Variants in MMS19 observed in about 807,000 individuals in gnomAD.
The protein encoded by MMS19 is MMS19 nucleotide excision repair protein homolog.
A neutral mutation model predicts 129.8 loss-of-function variants in MMS19; 77 were observed. The observed-to-expected ratio is 0.59, with a 90% CI of 0.49 to 0.72. The LOEUF is 0.72. MMS19 is among the 30% of genes least tolerant of loss of function. MMS19 has a pLI of 0.00. For synonymous variants in MMS19, 491 were observed against 502.8 expected, an observed-to-expected ratio of 0.98 and a Z score of 0.31; for missense variants, 1,168 against 1,266.3, an observed-to-expected ratio of 0.92 and a Z score of 1.18.
At chr10:97,480,587 GTCTT>G (rs1213948281) in intron 3 of MMS19, among the ~76,000 whole-genome samples, 2 of 152,096 alleles carry the variant, frequency 1.3e-5, no homozygotes, top group African/African-American at 2.4e-5. Flanking sequence ...AAATCCATGT[GTCTT>G]TCTTTTTTGA....
At chr10:97,461,063 T>G in intron 23 of MMS19, 56 bp from the exon 24 acceptor site, 1 of 1,392,426 alleles carries the variant, frequency 7.2e-7, no homozygotes. Context: ...CCTTTAGCAA[T>G]GAAATGCAAA....
Position 97,460,616 on chromosome 10 carries a change from TG to T in MMS19, c.2469+78del, listed in dbSNP as rs895863699. On this transcript the variant is annotated intron_variant, in intron 25 of 30. Coordinates refer to ENST00000438925, the MANE Select transcript of MMS19 (RefSeq NM_022362.5). ...AAAACAAAAAACACACAGGGGAGGA[TG>T]GAAGTCCTTGGGAGGAATAGGAGCA... 6.8e-6 allele frequency: 8 copies of T among 1,169,286 alleles called. No homozygotes were observed. In the African/African-American group the frequency reaches 1.2e-4, roughly 18 times the overall value. The allele number at this position is 1,169,286 out of a possible 1,614,324, so 72.4% of individuals were successfully genotyped here. A position where few individuals can be genotyped will look rare whatever the true frequency, so the allele number is the denominator to read the frequency against.
Position 97,478,188 on chromosome 10 carries a change from C to T in MMS19, c.348+116G>A, listed in dbSNP as rs369353699. ...GTAGAGCTGGTAACACTAATTTAGT[C>T]CCACACTTGGGCACCTGCTCCTCAG... is the stretch of plus-strand genomic sequence containing the variant. On this transcript the variant is annotated intron_variant, in intron 4 of 30. Transcript: ENST00000438925. The T allele has an allele frequency of 3.7e-6, 3 of 811,104 alleles. No individual in the cohort carries two copies. In the East Asian group the frequency reaches 8.0e-5, roughly 22 times the overall value. The allele number at this position is 811,104 out of a possible 1,614,324, so 50.2% of individuals were successfully genotyped here.
chr10:97,463,163 G>GTTTTT (rs11369236), intron 19 of MMS19, among the ~76,000 whole-genome samples: 3 of 129,230 alleles, frequency 2.3e-5, no homozygotes, highest in Admixed American at 7.9e-5. Context: ...CTGTGAAACA[G>GTTTTT]TTTTTTTTTT....
chr10:97,469,671 C>A lies in MMS19; in HGVS notation c.899G>T (p.Ser300Ile). The change falls in exon 11 of 31, where the codon AGC becomes ATC. Residue 300 changes from serine (S) to isoleucine (I), a missense_variant. Physicochemically the swap from Ser to Ile is moderately radical, Grantham distance 142. Coordinates refer to ENST00000438925, the MANE Select transcript of MMS19 (RefSeq NM_022362.5). ...CTCTCTGCGGATAGAAGCCCAAAGG[C>A]TGGGGAGGAAGTCCTTCAGTTCCTT... ...GQKELKDFLP[S>I]LWASIRREVF... 1 of 1,613,958 alleles carries A rather than the reference C, an allele frequency of 6.2e-7. No individual in the cohort carries two copies. The highest frequency in any genetic ancestry group is 8.5e-7 in the Non-Finnish European group (1 of 1,179,868).
Position 97,459,265 on chromosome 10 carries a change from T to C in MMS19, c.2922A>G (p.Ala974=), listed in dbSNP as rs2030922347. 2 of 1,613,030 alleles carry C rather than the reference T, an allele frequency of 1.2e-6. No individual in the cohort carries two copies. The highest frequency in any genetic ancestry group is 2.7e-5 in the African/African-American group (2 of 74,840). Residue 974 remains alanine (A), a synonymous_variant, in exon 29 of 31, where the codon GCA becomes GCG. Transcript: ENST00000438925. ...SSPSMAVRIA[A]LQCMHALTRL... Reference sequence around the variant, plus strand: ...GAGTGAGAGCATGCATGCACTGCAGTGCGGCGATCCGGACAGCCTGGAACA... The same window carrying C: ...GAGTGAGAGCATGCATGCACTGCAGCGCGGCGATCCGGACAGCCTGGAACA...
chr10:97,468,614 C>A (rs534987035), intron 12 of MMS19, among the ~76,000 whole-genome samples: 4 of 152,128 alleles, frequency 2.6e-5, no homozygotes, highest in African/African-American at 9.6e-5. Flanking sequence ...TAAGGAATGT[C>A]ATTTGTTTTT....
At chr10:97,472,009 G>C (rs539737750) in intron 8 of MMS19, among the ~76,000 whole-genome samples, 74 of 152,136 alleles carry the variant, frequency 4.9e-4, no homozygotes, top group Non-Finnish European at 9.6e-4. Context: ...AAGAATTCAA[G>C]AAAAATTTAC....
At chr10:97,465,732 G>T in intron 18 of MMS19, 73 bp downstream of exon 18, 1 of 1,429,236 alleles carries the variant, frequency 7.0e-7, no homozygotes, top group Non-Finnish European at 9.5e-7. Flanking sequence ...TATAGCTACA[G>T]CTAGAACCAC....
chr10:97,493,872 G>T (rs142037132), intron 1 of MMS19, among the ~76,000 whole-genome samples: 1 of 151,996 alleles, frequency 6.6e-6, no homozygotes, highest in Admixed American at 6.6e-5. Flanking sequence ...AAAATTAGCC[G>T]TGTGTGGTGA....
chr10:97,476,764 A>G lies in MMS19; in HGVS notation c.623-20T>C, dbSNP rs2035852934. The G allele has an allele frequency of 6.2e-7, 1 of 1,613,766 alleles. No individual in the cohort carries two copies. The highest frequency in any genetic ancestry group is 8.5e-7 in the Non-Finnish European group (1 of 1,179,824). ...AGGGTCCTGTGGCAACAGAGAAAAA[A>G]TGAGGTTGGTTTATCAGCTTCACTC... On this transcript the variant is annotated intron_variant, in intron 7 of 30. Coordinates refer to ENST00000438925, the MANE Select transcript of MMS19 (RefSeq NM_022362.5).
chr10:97,469,198 G>T, intron 11 of MMS19, 94 bp from the exon 12 acceptor site: 1 of 1,433,294 alleles, frequency 7.0e-7, no homozygotes, highest in Non-Finnish European at 9.3e-7. Context: ...AGAGGGGAGT[G>T]AGAACCTCTA....
At chr10:97,492,329 G>C (rs1440643954) in intron 1 of MMS19, among the ~76,000 whole-genome samples, 1 of 151,264 alleles carries the variant, frequency 6.6e-6, no homozygotes, top group African/African-American at 2.4e-5. Flanking sequence ...AAAAATATTA[G>C]CTGGGCGTGG....
intron 29 of MMS19, 137 bp from the exon 30 acceptor site, chr10:97,459,037 G>T: frequency 1.0e-6 from 1 of 983,648 alleles, no homozygotes; most frequent in Non-Finnish European, 1.5e-6. Context: ...GTGGCAGGAT[G>T]GCCTTTCTGT....
chr10:97,496,603 T>C (rs29001255), intron 1 of MMS19, among the ~76,000 whole-genome samples: 7,175 of 151,440 alleles, frequency 0.047, 487 homozygotes, highest in African/African-American at 0.16. Flanking sequence ...CTTTTCAAAA[T>C]ATGTTCTGAA....
In MMS19 at chr10:97,461,030, T is replaced by C. The variant is rs1274503573; in HGVS notation, c.2312-23A>G. On this transcript the variant is annotated intron_variant, in intron 23 of 30. Coordinates refer to ENST00000438925, the MANE Select transcript of MMS19 (RefSeq NM_022362.5). ...GCCCTAAAAAGGAGAGAGGAAATGC[T>C]GACATAAAGGCTACACATTTTCCCT... 3 of 1,522,988 alleles carry C rather than the reference T, an allele frequency of 2.0e-6. No homozygotes were observed. The African/African-American group carries it at 4.1e-5, about 21-fold the overall frequency. The allele number at this position is 1,522,988 out of a possible 1,614,324, so 94.3% of individuals were successfully genotyped here.
Position 97,469,061 on chromosome 10 carries a change from G to T in MMS19, c.968C>A (p.Ala323Glu). 1 of 1,581,486 alleles carries T rather than the reference G, an allele frequency of 6.3e-7. No individual in the cohort carries two copies. Among genetic ancestry groups the T allele is most frequent in the Admixed American group, 1.8e-5 (1 of 55,526 alleles). Residue 323 changes from alanine (A) to glutamate (E), a missense_variant, in exon 12 of 31, where the codon GCG (alanine) becomes GAG (glutamate). Coordinates refer to ENST00000438925, the MANE Select transcript of MMS19 (RefSeq NM_022362.5). ...ACACGCAGTCAGGGAGTGGAGGGCC[G>T]CCAGGCCCTCTGCCTCCACCCGCTC... is the stretch of plus-strand genomic sequence containing the variant. ...ASERVEAEGLAALHSLTACLS... is the reference protein window; with the variant it reads ...ASERVEAEGLEALHSLTACLS...
chr10:97,478,231 C>A (rs2036131456), intron 4 of MMS19, 73 bp downstream of exon 4: 3 of 1,240,220 alleles, frequency 2.4e-6, no homozygotes, highest in Non-Finnish European at 2.3e-6. Flanking sequence ...ACCATCACAC[C>A]CAAAGCGCAA....
intron 18 of MMS19, 124 bp downstream of exon 18, chr10:97,465,681 T>G: frequency 1.0e-6 from 1 of 964,616 alleles, no homozygotes; most frequent in Non-Finnish European, 1.5e-6. Context: ...GCATCAGTAT[T>G]TTTTTTTTCT....
Sources: allele counts gnomAD v4.1 joint callset (sites outside exome capture counted in the v4.1 genomes callset), GRCh38; gene constraint gnomAD v4.1.1; transcripts MANE v1.5; gene names NCBI Gene and HGNC (gene_info 2026-07-23, HGNC 2026-07-21).